DRC11: variants seen among roughly 807,000 people sequenced by gnomAD.
The protein encoded by DRC11 is dynein regulatory complex subunit 11.
chr2:236,369,318 G>C, the DRC11 span, among the ~76,000 whole-genome samples: 66 of 152,294 alleles, frequency 4.3e-4, no homozygotes, highest in African/African-American at 1.5e-3. The surrounding 1 kb of genome is among the most constrained non-coding windows in gnomAD (Gnocchi z 4.5). Context: ...TGGGGCAGGG[G>C]GCAGCCTTTC....
the DRC11 span, among the ~76,000 whole-genome samples, chr2:236,489,125 G>A: frequency 6.7e-6 from 1 of 149,094 alleles, no homozygotes; most frequent in African/African-American, 2.5e-5. Context: ...TGGGCTCTGG[G>A]TGCATGCTGG....
At chr2:236,418,204 G>A in the DRC11 span, among the ~76,000 whole-genome samples, 843 of 152,292 alleles carry the variant, frequency 5.5e-3, 9 homozygotes, top group African/African-American at 0.019. Context: ...GTGTAAAAGT[G>A]TTCCTATTTC....
the DRC11 span, among the ~76,000 whole-genome samples, chr2:236,322,039 A>G: frequency 6.6e-6 from 1 of 152,086 alleles, no homozygotes; most frequent in Non-Finnish European, 1.5e-5. Flanking sequence ...TCTCCCTCCC[A>G]GATAAGTGAG....
the DRC11 span, among the ~76,000 whole-genome samples, chr2:236,484,147 T>G: frequency 6.6e-6 from 1 of 152,232 alleles, no homozygotes; most frequent in African/African-American, 2.4e-5. Flanking sequence ...TCTCTGACAT[T>G]TCTACTGTGT....
chr2:236,451,393 A>G, the DRC11 span, among the ~76,000 whole-genome samples: 1 of 152,020 alleles, frequency 6.6e-6, no homozygotes, highest in African/African-American at 2.4e-5. Context: ...ATATGAGTAT[A>G]GCTGCCTTGT....
At chr2:236,504,717 G>A in the DRC11 span, among the ~76,000 whole-genome samples, 2 of 152,128 alleles carry the variant, frequency 1.3e-5, no homozygotes, top group Admixed American at 6.5e-5. This position sits in a 1 kb window ranked among gnomAD's most constrained non-coding sequence, Gnocchi z 5.0. Flanking sequence ...CCCAGTGGGA[G>A]GTAACTGAAT....
the DRC11 span, among the ~76,000 whole-genome samples, chr2:236,371,723 G>T: frequency 1.6e-4 from 25 of 152,214 alleles, no homozygotes; most frequent in South Asian, 5.2e-3. This position sits in a 1 kb window ranked among gnomAD's most constrained non-coding sequence, Gnocchi z 5.1. Context: ...CTTCAGGAAG[G>T]GCTCAGGGGG....
At chr2:236,392,290 A>G in the DRC11 span, 1 of 1,598,404 alleles carries the variant, frequency 6.3e-7, no homozygotes, top group Non-Finnish European at 8.5e-7. The surrounding 1 kb of genome is among the most constrained non-coding windows in gnomAD (Gnocchi z 5.1). Context: ...CTCCTCTTTG[A>G]TCAGTTCTGG....
At chr2:236,416,768 T>TATAA in the DRC11 span, among the ~76,000 whole-genome samples, 193 of 92,902 alleles carry the variant, frequency 2.1e-3, 9 homozygotes, top group Middle Eastern at 6.0e-3. Flanking sequence ...TATATATATA[T>TATAA]AAATAATTTT....
the DRC11 span, among the ~76,000 whole-genome samples, chr2:236,462,566 G>A: frequency 7.2e-5 from 11 of 152,130 alleles, no homozygotes; most frequent in African/African-American, 2.7e-4. This position sits in a 1 kb window ranked among gnomAD's most constrained non-coding sequence, Gnocchi z 6.4. Flanking sequence ...AGCTACTCGG[G>A]AGGCTGAGGC....
chr2:236,369,958 C>T, the DRC11 span, among the ~76,000 whole-genome samples: 34 of 152,148 alleles, frequency 2.2e-4, no homozygotes, highest in African/African-American at 7.0e-4. This position sits in a 1 kb window ranked among gnomAD's most constrained non-coding sequence, Gnocchi z 4.5. Context: ...AGCGGCTGCA[C>T]GACAGGTGGA....
the DRC11 span, among the ~76,000 whole-genome samples, chr2:236,446,776 A>T: frequency 2.6e-5 from 4 of 152,200 alleles, no homozygotes; most frequent in Non-Finnish European, 4.4e-5. The surrounding 1 kb of genome is among the most constrained non-coding windows in gnomAD (Gnocchi z 6.2). Flanking sequence ...AGGCACTGCC[A>T]GCCACACACT....
chr2:236,382,566 C>A, the DRC11 span, among the ~76,000 whole-genome samples: 1 of 152,144 alleles, frequency 6.6e-6, no homozygotes, highest in Admixed American at 6.5e-5. Flanking sequence ...GTTGAGTCTT[C>A]CAATTCATGA....
chr2:236,311,920 C>A, the DRC11 span, among the ~76,000 whole-genome samples: 1 of 152,084 alleles, frequency 6.6e-6, no homozygotes, highest in South Asian at 2.1e-4. The surrounding 1 kb of genome is among the most constrained non-coding windows in gnomAD (Gnocchi z 6.9). Flanking sequence ...CCTCCTATTT[C>A]TTCTCCTCTA....
chr2:236,382,506 A>C, the DRC11 span, among the ~76,000 whole-genome samples: 1 of 152,190 alleles, frequency 6.6e-6, no homozygotes, highest in African/African-American at 2.4e-5. Flanking sequence ...TTTTGATAGA[A>C]TTGCATTAAT....
At chr2:236,367,293 T>C in the DRC11 span, among the ~76,000 whole-genome samples, 1 of 148,174 alleles carries the variant, frequency 6.7e-6, no homozygotes, top group African/African-American at 2.4e-5. This position sits in a 1 kb window ranked among gnomAD's most constrained non-coding sequence, Gnocchi z 4.8. Context: ...TTATATATTA[T>C]ATAAAACATA....
At chr2:236,507,144 T>TGAGAG in the DRC11 span, 50,214 of 1,077,530 alleles carry the variant, frequency 0.047, 6,739 homozygotes, top group African/African-American at 0.41. Flanking sequence ...GGAGGGAAGT[T>TGAGAG]GAGAGGGGAG....
the DRC11 span, among the ~76,000 whole-genome samples, chr2:236,379,087 G>C: frequency 6.6e-6 from 1 of 152,188 alleles, no homozygotes; most frequent in Non-Finnish European, 1.5e-5. Flanking sequence ...CAGATGCCCA[G>C]TGCCCCTCTG....
chr2:236,347,527 T>TATATATATATATATA, the DRC11 span, among the ~76,000 whole-genome samples: 28 of 145,202 alleles, frequency 1.9e-4, no homozygotes, highest in East Asian at 4.0e-4. Flanking sequence ...TATATATATA[T>TATATATATATATATA]GATGGAATAC....
Sources: gnomAD v4.1 joint callset for allele counts (sites outside exome capture counted in the v4.1 genomes callset) on GRCh38, gnomAD v4.1.1 for gene constraint, Gnocchi (gnomAD v3.1) non-coding constraint, MANE v1.5 for transcripts, NCBI Gene and HGNC (gene_info 2026-07-23, HGNC 2026-07-21) for gene names.